Variants in DOCK10 observed in about 807,000 individuals in gnomAD.
The protein encoded by DOCK10 is dedicator of cytokinesis 10.
Under a neutral mutation model 280.1 loss-of-function variants are expected in DOCK10, and 145 were observed. The ratio of observed to expected loss-of-function variants is 0.52; its 90% CI spans 0.45 to 0.59. DOCK10 has a LOEUF of 0.59. Ranked by LOEUF, DOCK10 falls within the 20% of genes least tolerant of loss-of-function variation. The pLI, the probability that DOCK10 is intolerant of heterozygous loss-of-function variation, is 0.00. For missense variants in DOCK10, 2,368 were observed against 2,651.7 expected, an observed-to-expected ratio of 0.89 and a Z score of 2.35; for synonymous variants, 915 against 942.2, an observed-to-expected ratio of 0.97 and a Z score of 0.53.
intron 11 of DOCK10, among the ~76,000 whole-genome samples, chr2:224,867,863 G>A (rs1212274963): frequency 6.6e-6 from 1 of 152,200 alleles, no homozygotes; most frequent in Non-Finnish European, 1.5e-5. Flanking sequence ...AAAATTCCCA[G>A]GTTTGAGGAT....
At chr2:224,801,347 A>T (rs1693000970) in intron 40 of DOCK10, among the ~76,000 whole-genome samples, 1 of 150,980 alleles carries the variant, frequency 6.6e-6, no homozygotes, top group Non-Finnish European at 1.5e-5. Context: ...CTTATCTGTC[A>T]TGTGATGTTA....
chr2:224,773,103 T>C, intron 53 of DOCK10, 54 bp downstream of exon 53: 2 of 1,483,996 alleles, frequency 1.3e-6, no homozygotes, highest in Non-Finnish European at 1.8e-6. Context: ...CAGGGCATTT[T>C]ACACCTGGTT....
At chr2:225,017,452 G>C (rs1689643573) in intron 1 of DOCK10, among the ~76,000 whole-genome samples, 1 of 151,728 alleles carries the variant, frequency 6.6e-6, no homozygotes, top group African/African-American at 2.4e-5. Context: ...GAGAGAGAGA[G>C]AGCAAGAGCA....
chr2:225,026,756 G>A (rs1477306052), intron 1 of DOCK10, among the ~76,000 whole-genome samples: 2 of 152,100 alleles, frequency 1.3e-5, no homozygotes, highest in African/African-American at 2.4e-5. Flanking sequence ...CACCTAGGGG[G>A]GGTTTTGTGG....
intron 52 of DOCK10, among the ~76,000 whole-genome samples, chr2:224,773,606 G>A (rs966587619): frequency 6.6e-6 from 1 of 151,690 alleles, no homozygotes; most frequent in African/African-American, 2.4e-5. Context: ...GCTGTTTTAG[G>A]CCTTTAGAAT....
chr2:224,884,089 T>G (rs766651433), intron 7 of DOCK10, among the ~76,000 whole-genome samples: 12 of 152,174 alleles, frequency 7.9e-5, no homozygotes, highest in Non-Finnish European at 1.6e-4. Context: ...TCCATTAAGG[T>G]CATTATTGCC....
intron 51 of DOCK10, 84 bp from the exon 52 acceptor site, chr2:224,775,199 TC>T: frequency 7.9e-7 from 1 of 1,264,792 alleles, no homozygotes; most frequent in Non-Finnish European, 1.1e-6. Context: ...TCAGCTTGCA[TC>T]CAGAGGAGGC....
At chr2:224,935,839 T>A (rs932282227) in intron 1 of DOCK10, among the ~76,000 whole-genome samples, 1 of 152,206 alleles carries the variant, frequency 6.6e-6, no homozygotes, top group Non-Finnish European at 1.5e-5. Context: ...AATAAATTTA[T>A]ATTATTTCAT....
intron 7 of DOCK10, among the ~76,000 whole-genome samples, chr2:224,881,901 A>T (rs1698997117): frequency 6.6e-6 from 1 of 152,204 alleles, no homozygotes; most frequent in Admixed American, 6.5e-5. Context: ...TCCAAGCTGC[A>T]TCTGTTTCTC....
At chr2:225,020,010 C>G (rs1026862983) in intron 1 of DOCK10, among the ~76,000 whole-genome samples, 2 of 152,160 alleles carry the variant, frequency 1.3e-5, no homozygotes, top group African/African-American at 4.8e-5. Flanking sequence ...CCTGATGAAT[C>G]TAGCTTGGAG....
chr2:224,856,817 A>G lies in DOCK10; in HGVS notation c.1808+43T>C, dbSNP rs116704057. On this transcript the variant is annotated intron_variant, in intron 15 of 55. Coordinates refer to ENST00000258390, the MANE Select transcript of DOCK10 (RefSeq NM_014689.3). ...ATTTATGAAGTGATAAAAAATCAAC[A>G]TGGCTGATTTATGTTAATTTCGAGA... 1.9e-3 allele frequency: 2,959 copies of G among 1,530,734 alleles called. 49 individuals are homozygous for G. The African/African-American group carries it at 0.035, about 18-fold the overall frequency. The allele number at this position is 1,530,734 out of a possible 1,614,324, so 94.8% of individuals were successfully genotyped here.
chr2:224,766,115 A>C (rs1446062828), intron 55 of DOCK10, among the ~76,000 whole-genome samples: 1 of 152,194 alleles, frequency 6.6e-6, no homozygotes, highest in Non-Finnish European at 1.5e-5. Context: ...TATCTGAGTA[A>C]TTCCAGGATT....
intron 1 of DOCK10, among the ~76,000 whole-genome samples, chr2:224,933,817 C>A (rs1041633674): frequency 6.6e-6 from 1 of 152,132 alleles, no homozygotes; most frequent in African/African-American, 2.4e-5. Context: ...GGTTTAAAGG[C>A]AAATGACATA....
intron 3 of DOCK10, among the ~76,000 whole-genome samples, chr2:224,910,238 C>T (rs1700932907): frequency 6.6e-6 from 1 of 152,194 alleles, no homozygotes; most frequent in Non-Finnish European, 1.5e-5. Context: ...GAATTCATTT[C>T]AGTGCTAGCA....
chr2:224,959,256 T>C (rs1411133394), intron 1 of DOCK10, among the ~76,000 whole-genome samples: 1 of 147,814 alleles, frequency 6.8e-6, no homozygotes, highest in Non-Finnish European at 1.5e-5. Context: ...TCAACATCTA[T>C]CGCTGATAGG....
chr2:224,854,866 A>G (rs931286429), intron 16 of DOCK10, 97 bp downstream of exon 16: 2 of 802,136 alleles, frequency 2.5e-6, no homozygotes, highest in Non-Finnish European at 3.9e-6. Flanking sequence ...CAACCAACCA[A>G]CCAACCAACC....
chr2:224,785,308 A>G (rs1691656096), intron 50 of DOCK10, among the ~76,000 whole-genome samples: 1 of 148,800 alleles, frequency 6.7e-6, no homozygotes, highest in Admixed American at 6.6e-5. Flanking sequence ...TTTTTGGTAT[A>G]GATTGTTTAT....
Position 224,932,208 on chromosome 2 carries a change from AG to A in DOCK10, c.124-541del, listed in dbSNP as rs557490960. Among the ~76,000 whole-genome samples, 31 of 152,324 alleles carry A rather than the reference AG, an allele frequency of 2.0e-4. No individual in the cohort carries two copies. In the East Asian group the frequency reaches 5.8e-3, roughly 28 times the overall value. On this transcript the variant is annotated intron_variant, in intron 1 of 55. Coordinates refer to ENST00000258390, the MANE Select transcript of DOCK10 (RefSeq NM_014689.3). ...GAGCCTCTTTGTCTCTACAGAGACA[AG>A]CTAGGTCATTTTCTAATAGAACTGA... is the stretch of plus-strand genomic sequence containing the variant.
chr2:224,774,901 C>G lies in DOCK10; in HGVS notation c.6013+4G>C. 6.3e-7 allele frequency: 1 copy of G among 1,582,990 alleles called. No individual in the cohort carries two copies. Among genetic ancestry groups the G allele is most frequent in the Non-Finnish European group, 8.6e-7 (1 of 1,163,708 alleles). On this transcript the variant is annotated splice_donor_region_variant and intron_variant, in intron 52 of 55. Transcript: ENST00000258390. ...ACATGTGTGGCCCGGCTACCTGCAC[C>G]TACTTGTCAGGATCGTCCGCCGCTT...
Sources: gnomAD v4.1 joint callset for allele counts (sites outside exome capture counted in the v4.1 genomes callset) on GRCh38, gnomAD v4.1.1 for gene constraint, MANE v1.5 for transcripts, NCBI Gene and HGNC (gene_info 2026-07-23, HGNC 2026-07-21) for gene names.